THADA: variants seen among roughly 807,000 people sequenced by gnomAD.
THADA encodes THADA armadillo repeat containing.
In THADA, 213 loss-of-function variants were observed where a neutral mutation model predicts 219.8. The observed-to-expected ratio is 0.97, with a 90% CI of 0.87 to 1.09. The LOEUF (loss-of-function observed/expected upper bound fraction) is 1.09. Ranked by LOEUF, THADA falls within the 50% of genes least tolerant of loss-of-function variation. THADA has a pLI of 0.00. For synonymous variants in THADA, 1,018 were observed against 828.9 expected (o/e 1.23, Z -3.92); for missense variants, 2,956 against 2,311.3 (o/e 1.28, Z -5.72).
rs535284245 is a variant in THADA, at chr2:43,572,747, C to A, written c.1908+67G>T. On this transcript the variant is annotated intron_variant, in intron 12 of 37. Transcript: ENST00000405975. ...AGTTCAGGATACAATGTAGGGGCCT[C>A]TATATTGAACTGCTACATGAAAGGG... The A allele has an allele frequency of 2.4e-5, 34 of 1,431,208 alleles. No homozygotes were observed. The Middle Eastern group carries it at 5.4e-4, about 23-fold the overall frequency. 88.7% of individuals were successfully genotyped at this position (1,431,208 alleles called of 1,614,324 possible). A position where few individuals can be genotyped will look rare whatever the true frequency, so the allele number is the denominator to read the frequency against.
chr2:43,573,083 T>C (rs550528239), intron 11 of THADA, 91 bp from the exon 12 acceptor site: 6 of 1,046,940 alleles, frequency 5.7e-6, no homozygotes, highest in East Asian at 5.6e-5. Flanking sequence ...ATTAACATTT[T>C]ATTTCAATAA....
chr2:43,440,597 C>G (rs2104858072), intron 26 of THADA, among the ~76,000 whole-genome samples: 1 of 152,256 alleles, frequency 6.6e-6, no homozygotes, highest in East Asian at 1.9e-4. Context: ...AAAGGTAAAT[C>G]TTTGAGTTTA....
chr2:43,366,024 T>G (rs1285865616), intron 29 of THADA, among the ~76,000 whole-genome samples: 1 of 152,150 alleles, frequency 6.6e-6, no homozygotes, highest in Non-Finnish European at 1.5e-5. Context: ...CAGTAAAAAA[T>G]GACCCTTGAA....
intron 15 of THADA, chr2:43,562,156 T>C (rs567652418): frequency 2.0e-5 from 3 of 152,354 alleles, no homozygotes; most frequent in East Asian, 3.8e-4. Context: ...TAGTATTCTA[T>C]TGAGGGTTTT....
chr2:43,570,350 T>TAA, intron 14 of THADA, 38 bp downstream of exon 14: 1 of 1,525,370 alleles, frequency 6.6e-7, no homozygotes, highest in Non-Finnish European at 8.9e-7. Context: ...CTTTTTAATT[T>TAA]AAAAAAAAAC....
chr2:43,239,818 G>T (rs1668432672), intron 36 of THADA, among the ~76,000 whole-genome samples: 1 of 152,182 alleles, frequency 6.6e-6, no homozygotes, highest in South Asian at 2.1e-4. Context: ...TGGCCAAGGT[G>T]TTGGGTGGCC....
intron 36 of THADA, among the ~76,000 whole-genome samples, chr2:43,254,726 G>A (rs931603896): frequency 6.6e-6 from 1 of 152,098 alleles, no homozygotes; most frequent in African/African-American, 2.4e-5. Flanking sequence ...TTCCCCCAAT[G>A]ACAAATGTTT....
chr2:43,399,293 C>G (rs1674487423), intron 28 of THADA, among the ~76,000 whole-genome samples: 1 of 152,186 alleles, frequency 6.6e-6, no homozygotes, highest in African/African-American at 2.4e-5. Flanking sequence ...GAGATGGCCT[C>G]TTGACTGTTT....
chr2:43,413,879 T>C (rs2104767824), intron 28 of THADA, among the ~76,000 whole-genome samples: 1 of 152,352 alleles, frequency 6.6e-6, no homozygotes, highest in Middle Eastern at 3.4e-3. Flanking sequence ...ACCCATATTG[T>C]ACAGTTGGCC....
intron 31 of THADA, among the ~76,000 whole-genome samples, chr2:43,319,522 C>T (rs906582835): frequency 1.3e-5 from 2 of 152,138 alleles, no homozygotes; most frequent in Non-Finnish European, 2.9e-5. Flanking sequence ...CCTCCCCGAC[C>T]TCCCTCCTGC....
intron 35 of THADA, among the ~76,000 whole-genome samples, chr2:43,282,529 T>C (rs928235882): frequency 2.0e-5 from 3 of 152,190 alleles, no homozygotes; most frequent in Non-Finnish European, 4.4e-5. Flanking sequence ...GCAGTGACCA[T>C]GTCTGATTCT....
intron 30 of THADA, among the ~76,000 whole-genome samples, chr2:43,335,417 A>T (rs943232414): frequency 2.0e-5 from 3 of 152,208 alleles, no homozygotes; most frequent in African/African-American, 7.2e-5. Context: ...TGTGGGCTGT[A>T]GTACTCCACA....
chr2:43,352,680 GGAGA>G (rs1389972996), intron 29 of THADA, among the ~76,000 whole-genome samples: 1 of 151,620 alleles, frequency 6.6e-6, no homozygotes, highest in Non-Finnish European at 1.5e-5. Context: ...AGGGAGAGGG[GGAGA>G]GAGAAAGAGA....
At chr2:43,411,634 T>G (rs548221608) in intron 28 of THADA, among the ~76,000 whole-genome samples, 5 of 152,346 alleles carry the variant, frequency 3.3e-5, no homozygotes, top group Non-Finnish European at 5.9e-5. Context: ...ATCAGTGGAT[T>G]ATTTTTCAAT....
At chr2:43,515,384 T>TATAATA (rs1691594497) in intron 22 of THADA, among the ~76,000 whole-genome samples, 1 of 94,002 alleles carries the variant, frequency 1.1e-5, no homozygotes, top group African/African-American at 4.2e-5. Flanking sequence ...ATATATAATA[T>TATAATA]TTTATATATA....
At chr2:43,541,416 G>C in intron 20 of THADA, 100 bp from the exon 21 acceptor site, 1 of 1,310,474 alleles carries the variant, frequency 7.6e-7, no homozygotes, top group Non-Finnish European at 1.1e-6. Context: ...TAATCTGCTT[G>C]AACAAACCCG....
At chr2:43,272,235 T>A (rs1049200239) in intron 36 of THADA, among the ~76,000 whole-genome samples, 3 of 152,128 alleles carry the variant, frequency 2.0e-5, no homozygotes, top group Non-Finnish European at 4.4e-5. Flanking sequence ...GGGGCTGGAC[T>A]GGGTAGGATT....
intron 36 of THADA, among the ~76,000 whole-genome samples, chr2:43,260,581 T>A (rs1224788106): frequency 6.6e-6 from 1 of 152,216 alleles, no homozygotes; most frequent in Admixed American, 6.5e-5. Context: ...TCTACTGAAA[T>A]CTTGATTGTG....
At chr2:43,270,443 C>T (rs1450990169) in intron 36 of THADA, among the ~76,000 whole-genome samples, 1 of 152,196 alleles carries the variant, frequency 6.6e-6, no homozygotes, top group Non-Finnish European at 1.5e-5. Context: ...CATTTTCTTA[C>T]ACTCTGACTC....
Sources: gnomAD v4.1 joint callset for allele counts (sites outside exome capture counted in the v4.1 genomes callset) on GRCh38, gnomAD v4.1.1 for gene constraint, MANE v1.5 for transcripts, NCBI Gene and HGNC (gene_info 2026-07-23, HGNC 2026-07-21) for gene names.